Variants in KATNA1 observed in about 807,000 individuals in gnomAD.
The protein encoded by KATNA1 is katanin catalytic subunit A1.
KATNA1 carries 42 observed loss-of-function variants against 62.6 expected under a neutral mutation model. That is an observed-to-expected ratio of 0.67 (90% CI 0.52 to 0.87). The LOEUF is 0.87. Ranked by LOEUF, KATNA1 falls within the 40% of genes least tolerant of loss-of-function variation. The pLI is 0.00. For synonymous variants in KATNA1, 186 were observed against 201.9 expected (o/e 0.92, Z 0.67); for missense variants, 498 against 612.5 (o/e 0.81, Z 1.97).
intron 2 of KATNA1, among the ~76,000 whole-genome samples, chr6:149,633,386 C>T (rs996641430): frequency 2.0e-5 from 3 of 152,104 alleles, no homozygotes; most frequent in Middle Eastern, 3.4e-3. Context: ...GGATTACAGG[C>T]GTGAGCCACT....
At chr6:149,620,193 G>A (rs1779341623) in intron 4 of KATNA1, among the ~76,000 whole-genome samples, 2 of 152,186 alleles carry the variant, frequency 1.3e-5, no homozygotes, top group South Asian at 4.1e-4. Context: ...GGATGGGTAG[G>A]GGAAGGTGGG....
chr6:149,597,104 G>A lies in KATNA1; in HGVS notation c.1236C>T (p.Asn412=). The change falls in exon 10 of 11, where the codon AAC becomes AAT. Residue 412 remains asparagine, a synonymous_variant. Coordinates refer to ENST00000367411, the MANE Select transcript of KATNA1 (RefSeq NM_007044.4). ...TGTCCGCACCTGAATAACCTTCCAT[G>A]TTTTCTGCTATACTTGCAAGGTCAA... The part of the protein sequence containing the change: ...DDVDLASIAE[N]MEGYSGADIT... The A allele has an allele frequency of 6.2e-7, 1 of 1,614,122 alleles. No individual in the cohort carries two copies. The highest frequency in any genetic ancestry group is 1.1e-5 in the South Asian group (1 of 91,082).
At chr6:149,603,466 T>C in intron 5 of KATNA1, 93 bp from the exon 6 acceptor site, 1 of 578,934 alleles carries the variant, frequency 1.7e-6, no homozygotes, top group Non-Finnish European at 3.1e-6. Context: ...GATGTTGCAC[T>C]GCTGACAGAA....
In KATNA1 at chr6:149,638,434, C is replaced by G; in HGVS notation, c.114G>C (p.Lys38Asn). ...ATGTATCTTTGACTGAGTACAGATA[C>G]TTGTTCATTTGGTCAAGAACTCCCT... Reference protein sequence around the residue: ...YYQGVLDQMNKYLYSVKDTYL... With the variant: ...YYQGVLDQMNNYLYSVKDTYL... The change falls in exon 2 of 11, where the codon AAG (lysine) becomes AAC (asparagine). Residue 38 changes from lysine (K) to asparagine (N), a missense_variant. Physicochemically the swap from Lys to Asn is moderately conservative, Grantham distance 94 (BLOSUM62 0). Coordinates refer to ENST00000367411, the MANE Select transcript of KATNA1 (RefSeq NM_007044.4). The G allele has an allele frequency of 6.2e-7, 1 of 1,614,048 alleles. No individual in the cohort carries two copies. The highest frequency in any genetic ancestry group is 1.1e-5 in the South Asian group (1 of 91,082).
At chr6:149,632,190 G>A (rs981299332) in intron 3 of KATNA1, among the ~76,000 whole-genome samples, 3 of 151,712 alleles carry the variant, frequency 2.0e-5, no homozygotes, top group Non-Finnish European at 4.4e-5. Flanking sequence ...TGAGGAGAAC[G>A]AGACCAGCCT....
At chr6:149,624,965 C>T (rs568782377) in intron 3 of KATNA1, among the ~76,000 whole-genome samples, 3 of 150,704 alleles carry the variant, frequency 2.0e-5, no homozygotes, top group East Asian at 1.9e-4. Context: ...TTGAACTAAA[C>T]AAGAGGGTAC....
chr6:149,635,979 C>T (rs911455962), intron 2 of KATNA1, among the ~76,000 whole-genome samples: 14 of 151,776 alleles, frequency 9.2e-5, no homozygotes, highest in Non-Finnish European at 1.5e-4. Flanking sequence ...CACTTGAACC[C>T]GGGAGGTGGA....
intron 4 of KATNA1, among the ~76,000 whole-genome samples, chr6:149,611,460 C>T (rs1778950966): frequency 2.4e-5 from 2 of 83,806 alleles, no homozygotes; most frequent in Non-Finnish European, 4.7e-5. Flanking sequence ...AAAACTCTGT[C>T]TCAAAAAAAA....
At chr6:149,610,245 G>A (rs1192357734) in intron 4 of KATNA1, among the ~76,000 whole-genome samples, 2 of 148,884 alleles carry the variant, frequency 1.3e-5, no homozygotes, top group Non-Finnish European at 3.0e-5. Context: ...AGGTTGCATT[G>A]AGCTATGATC....
At chr6:149,601,202 G>A (rs1027792627) in intron 7 of KATNA1, among the ~76,000 whole-genome samples, 17 of 152,310 alleles carry the variant, frequency 1.1e-4, no homozygotes, top group Middle Eastern at 3.4e-3. Flanking sequence ...ATTTGGTGCA[G>A]TTAATAGATC....
chr6:149,612,410 G>A (rs1371071444), intron 4 of KATNA1, among the ~76,000 whole-genome samples: 1 of 152,042 alleles, frequency 6.6e-6, no homozygotes, highest in African/African-American at 2.4e-5. Context: ...TCGTGAAGCT[G>A]AAGCACGAGA....
chr6:149,617,597 C>A (rs1405784844), intron 4 of KATNA1, among the ~76,000 whole-genome samples: 4 of 150,908 alleles, frequency 2.7e-5, no homozygotes, highest in East Asian at 1.9e-4. Flanking sequence ...GTCAAGAGAT[C>A]GAGACTATCC....
At chr6:149,598,635 C>T (rs1778418606) in intron 7 of KATNA1, among the ~76,000 whole-genome samples, 1 of 151,944 alleles carries the variant, frequency 6.6e-6, no homozygotes, top group Non-Finnish European at 1.5e-5. Context: ...GTGAGAGGAT[C>T]CCTTGAGCCC....
chr6:149,630,174 T>C (rs978427024), intron 3 of KATNA1, among the ~76,000 whole-genome samples: 2 of 152,254 alleles, frequency 1.3e-5, no homozygotes, highest in African/African-American at 4.8e-5. Flanking sequence ...TATTTTTCTT[T>C]AATGAGCTAC....
chr6:149,606,350 AT>A (rs1219470469), intron 4 of KATNA1, among the ~76,000 whole-genome samples: 1 of 152,168 alleles, frequency 6.6e-6, no homozygotes, highest in Non-Finnish European at 1.5e-5. Flanking sequence ...GGCCAAGAAA[AT>A]TTATGAAGCC....
At chr6:149,636,108 TATATA>T (rs1798480785) in intron 2 of KATNA1, among the ~76,000 whole-genome samples, 1 of 151,838 alleles carries the variant, frequency 6.6e-6, no homozygotes. Context: ...ATAAACTATA[TATATA>T]ATATTGAAAT....
chr6:149,630,350 T>C (rs925087026), intron 3 of KATNA1, among the ~76,000 whole-genome samples: 4 of 152,204 alleles, frequency 2.6e-5, no homozygotes, highest in Admixed American at 6.5e-5. Context: ...AAGTTGCGGC[T>C]GGGTGCGGTG....
chr6:149,612,273 C>T lies in KATNA1; in HGVS notation c.502-7491G>A, dbSNP rs987797775. Among the ~76,000 whole-genome samples, 96 of 151,912 alleles carry T rather than the reference C, an allele frequency of 6.3e-4. 1 individual carries two copies. The highest frequency in any genetic ancestry group is 2.1e-3 in the African/African-American group (88 of 41,442). On this transcript the variant is annotated intron_variant, in intron 4 of 10. Transcript: ENST00000367411. The stretch of plus-strand genomic sequence containing the variant: ...CTATAATCCCAGCACTTTGGGAGGC[C>T]GAGGCAGGTGGATCACCTGAGGTCA...
intron 1 of KATNA1, among the ~76,000 whole-genome samples, chr6:149,647,579 T>C (rs961472461): frequency 5.0e-5 from 4 of 80,052 alleles, no homozygotes; most frequent in Non-Finnish European, 1.1e-4. Context: ...GAAAAGAAAA[T>C]AGGGCTTTAT....
Sources: allele counts gnomAD v4.1 joint callset (sites outside exome capture counted in the v4.1 genomes callset), GRCh38; gene constraint gnomAD v4.1.1; transcripts MANE v1.5; gene names NCBI Gene and HGNC (gene_info 2026-07-23, HGNC 2026-07-21).